The following PTPRG variants were observed in gnomAD, a reference collection of about 807,000 sequenced individuals.
PTPRG encodes receptor-type tyrosine-protein phosphatase gamma.
PTPRG carries 102 observed loss-of-function variants against 165.3 expected under a neutral mutation model. The observed-to-expected ratio is 0.62, with a 90% CI of 0.53 to 0.73. The LOEUF (loss-of-function observed/expected upper bound fraction) is 0.73. PTPRG is among the 30% of genes least tolerant of loss of function. PTPRG has a pLI of 0.00. For synonymous variants in PTPRG, 675 were observed against 669.5 expected, an observed-to-expected ratio of 1.01 and a Z score of -0.13; for missense variants, 1,866 against 1,861.4, an observed-to-expected ratio of 1.00 and a Z score of -0.05.
intron 2 of PTPRG, among the ~76,000 whole-genome samples, chr3:61,807,197 C>G (rs2035443631): frequency 6.6e-6 from 1 of 151,446 alleles, no homozygotes; most frequent in Non-Finnish European, 1.5e-5. Context: ...GGCATTCTAC[C>G]ATTGGTCAGG....
chr3:62,082,677 G>C (rs770847468), intron 5 of PTPRG, among the ~76,000 whole-genome samples: 1 of 152,182 alleles, frequency 6.6e-6, no homozygotes, highest in Non-Finnish European at 1.5e-5. Context: ...AATGGCAGCT[G>C]ATATATTTTG....
chr3:62,025,501 T>TG (rs2041785266), intron 4 of PTPRG, among the ~76,000 whole-genome samples: 2 of 152,228 alleles, frequency 1.3e-5, no homozygotes, highest in African/African-American at 2.4e-5. Flanking sequence ...AATTTTCATC[T>TG]ATTTTTTTAA....
At position 62,291,781 on chromosome 3, in the gene PTPRG, G is replaced by A. The variant is rs551716410; in HGVS notation, c.4056-640G>A. Among the ~76,000 whole-genome samples, 11 of 152,224 alleles carry A rather than the reference G, an allele frequency of 7.2e-5. 1 individual carries two copies. The South Asian group carries it at 1.0e-3, about 14-fold the overall frequency. On this transcript the variant is annotated intron_variant, in intron 28 of 29. Coordinates refer to ENST00000474889, the MANE Select transcript of PTPRG (RefSeq NM_002841.4). ...ATCACAGATTCTTGTGAAAAGTGGA[G>A]TTGCCAACCTGGCCTGATGGAAATT...
intron 2 of PTPRG, among the ~76,000 whole-genome samples, chr3:61,752,803 A>AAAAAAAAAAAAAG (rs1559592577): frequency 3.0e-5 from 1 of 33,132 alleles, no homozygotes; most frequent in African/African-American, 8.5e-5. Context: ...AAAAAAAAAG[A>AAAAAAAAAAAAAG]AAAAAAAAAA....
chr3:62,099,234 C>A (rs1256563366), intron 5 of PTPRG, among the ~76,000 whole-genome samples: 1 of 152,200 alleles, frequency 6.6e-6, no homozygotes, highest in Admixed American at 6.5e-5. Context: ...GTTGAAGATT[C>A]TCATAACCAT....
intron 2 of PTPRG, among the ~76,000 whole-genome samples, chr3:61,796,965 CG>C (rs1349049577): frequency 5.9e-5 from 9 of 152,092 alleles, no homozygotes; most frequent in African/African-American, 2.2e-4. Flanking sequence ...TGTTTTCTCC[CG>C]GGTGAAGGGT....
intron 2 of PTPRG, among the ~76,000 whole-genome samples, chr3:61,967,935 A>G (rs1326314272): frequency 6.6e-6 from 1 of 152,216 alleles, no homozygotes; most frequent in African/African-American, 2.4e-5. Flanking sequence ...ATTTTTAATA[A>G]TAATAATAGT....
At chr3:62,207,103 A>T (rs1413332390) in intron 12 of PTPRG, among the ~76,000 whole-genome samples, 1 of 152,142 alleles carries the variant, frequency 6.6e-6, no homozygotes, top group African/African-American at 2.4e-5. Context: ...GCCAGATATA[A>T]GCAAACTTTT....
intron 1 of PTPRG, among the ~76,000 whole-genome samples, chr3:61,581,110 T>C (rs1700283836): frequency 6.6e-6 from 1 of 152,222 alleles, no homozygotes; most frequent in Non-Finnish European, 1.5e-5. Context: ...GAAGCAGCCA[T>C]GTAGCCAGGG....
At position 61,991,184 on chromosome 3, in the gene PTPRG, G is replaced by A. The variant is rs532104441; in HGVS notation, c.370+1380G>A. Among the ~76,000 whole-genome samples the A allele has an allele frequency of 3.3e-5, 5 of 152,222 alleles. No homozygotes were observed. The East Asian group carries it at 9.7e-4, about 29-fold the overall frequency. ...GAGTAGCTGCGTAGAAAAAACTGGT[G>A]ATCCAATAATGTTATTTGTACGTAA... On this transcript the variant is annotated intron_variant, in intron 3 of 29. Transcript: ENST00000474889.
chr3:61,760,624 CA>C (rs770360360), intron 2 of PTPRG, among the ~76,000 whole-genome samples: 11 of 152,192 alleles, frequency 7.2e-5, no homozygotes, highest in Middle Eastern at 3.4e-3. Flanking sequence ...ATTTTAAGTT[CA>C]GGGGTACTTG....
chr3:61,985,016 C>T (rs1449922673), intron 2 of PTPRG, among the ~76,000 whole-genome samples: 1 of 152,194 alleles, frequency 6.6e-6, no homozygotes, highest in African/African-American at 2.4e-5. Context: ...GTCAGATGTC[C>T]AAGATAGCCA....
intron 4 of PTPRG, among the ~76,000 whole-genome samples, chr3:62,023,370 T>G (rs1003249024): frequency 1.3e-5 from 2 of 152,196 alleles, no homozygotes; most frequent in Non-Finnish European, 2.9e-5. Context: ...GCAGTGTTAC[T>G]ATGAGTGTAT....
intron 2 of PTPRG, among the ~76,000 whole-genome samples, chr3:61,766,900 A>G (rs954599062): frequency 5.9e-5 from 9 of 151,338 alleles, no homozygotes; most frequent in Admixed American, 6.6e-5. Flanking sequence ...GATTACAGGC[A>G]TGAGCCATCG....
intron 2 of PTPRG, among the ~76,000 whole-genome samples, chr3:61,796,897 G>A (rs905009568): frequency 6.6e-6 from 1 of 152,142 alleles, no homozygotes; most frequent in Non-Finnish European, 1.5e-5. Flanking sequence ...AATTTTTAGA[G>A]GCTGAATGCC....
At chr3:61,599,857 A>G (rs995230544) in intron 1 of PTPRG, among the ~76,000 whole-genome samples, 11 of 152,078 alleles carry the variant, frequency 7.2e-5, no homozygotes, top group African/African-American at 2.7e-4. Context: ...TAAAGGCTTT[A>G]TAATAGAATA....
intron 2 of PTPRG, among the ~76,000 whole-genome samples, chr3:61,929,757 G>T (rs1045933896): frequency 5.9e-5 from 9 of 152,212 alleles, no homozygotes; most frequent in African/African-American, 2.2e-4. Flanking sequence ...AGTGATTCAG[G>T]AGCAAGAGCG....
At chr3:61,960,799 G>A (rs1415949321) in intron 2 of PTPRG, among the ~76,000 whole-genome samples, 3 of 152,092 alleles carry the variant, frequency 2.0e-5, no homozygotes, top group Non-Finnish European at 4.4e-5. Context: ...GCATTCCTGT[G>A]TTCTGACCAC....
At chr3:61,749,643 C>T (rs1295930537) in intron 2 of PTPRG, 1 of 153,914 alleles carries the variant, frequency 6.5e-6, no homozygotes, top group African/African-American at 2.4e-5. Context: ...ATTAGGCTTC[C>T]CAAAACTCCC....
Sources: allele counts gnomAD v4.1 joint callset (sites outside exome capture counted in the v4.1 genomes callset), GRCh38; gene constraint gnomAD v4.1.1; transcripts MANE v1.5; gene names NCBI Gene and HGNC (gene_info 2026-07-23, HGNC 2026-07-21).